GPHN: variants seen among roughly 807,000 people sequenced by gnomAD.
GPHN encodes gephyrin.
In GPHN, 17 loss-of-function variants were observed where a neutral mutation model predicts 95.5. The observed-to-expected ratio is 0.18, with a 90% CI of 0.12 to 0.27. The LOEUF is 0.27. GPHN is among the 10% of genes least tolerant of loss of function. The pLI, the probability that GPHN is intolerant of heterozygous loss-of-function variation, is 1.00. For synonymous variants in GPHN, 320 were observed against 322.5 expected (o/e 0.99, Z 0.08); for missense variants, 660 against 978.1 (o/e 0.67, Z 4.34).
chr14:67,318,661 T>G, the GPHN span, among the ~76,000 whole-genome samples: 1 of 152,208 alleles, frequency 6.6e-6, no homozygotes, highest in Non-Finnish European at 1.5e-5. Flanking sequence ...ATGAATATTT[T>G]TAAATAAATA....
At chr14:67,457,819 A>G in the GPHN span, among the ~76,000 whole-genome samples, 1 of 152,226 alleles carries the variant, frequency 6.6e-6, no homozygotes, top group East Asian at 1.9e-4. Context: ...CCACTGTGAA[A>G]TGACTCCCCT....
chr14:66,668,216 CAG>C (rs2066084232), intron 1 of GPHN, among the ~76,000 whole-genome samples: 1 of 152,216 alleles, frequency 6.6e-6, no homozygotes, highest in South Asian at 2.1e-4. Context: ...TTGTGGAAGA[CAG>C]TGTGGCAATT....
At chr14:67,113,415 A>T (rs2078491269) in intron 16 of GPHN, among the ~76,000 whole-genome samples, 1 of 152,248 alleles carries the variant, frequency 6.6e-6, no homozygotes, top group African/African-American at 2.4e-5. Context: ...ATGAAATATT[A>T]TAACCAATGG....
chr14:67,204,586 A>G, the GPHN span: 1 of 1,613,708 alleles, frequency 6.2e-7, no homozygotes, highest in Admixed American at 1.7e-5. Flanking sequence ...TGCGGAGAAC[A>G]TGAGCCTGAA....
chr14:67,692,915 T>A, the GPHN span: 1 of 1,479,556 alleles, frequency 6.8e-7, no homozygotes, highest in African/African-American at 1.4e-5. Context: ...AGGAGGGAAT[T>A]GAAAGGAGGT....
At chr14:67,727,058 G>A in the GPHN span, 12 of 1,614,056 alleles carry the variant, frequency 7.4e-6, no homozygotes, top group Non-Finnish European at 1.0e-5. Flanking sequence ...TGTGTCCTCG[G>A]TGGCTCACCA....
the GPHN span, chr14:67,199,858 C>A: frequency 2.7e-6 from 4 of 1,490,420 alleles, no homozygotes; most frequent in Admixed American, 4.6e-5. Flanking sequence ...ACCACCTATG[C>A]CTCCTGGGGC....
intron 16 of GPHN, among the ~76,000 whole-genome samples, chr14:67,114,485 G>T (rs1396669283): frequency 6.6e-6 from 1 of 152,120 alleles, no homozygotes; most frequent in Non-Finnish European, 1.5e-5. Context: ...GAGGCTAGGA[G>T]TTCAAAACCA....
At chr14:66,578,655 A>G (rs1360713731) in intron 1 of GPHN, among the ~76,000 whole-genome samples, 9 of 40,044 alleles carry the variant, frequency 2.2e-4, no homozygotes, top group South Asian at 7.5e-4. Context: ...GGATAGAGTG[A>G]AAAAAAAAAA....
chr14:67,226,024 G>T, the GPHN span, among the ~76,000 whole-genome samples: 1 of 151,890 alleles, frequency 6.6e-6, no homozygotes, highest in African/African-American at 2.4e-5. Context: ...AGTATTGAAG[G>T]GGGGAGGTTG....
chr14:67,266,941 C>A, the GPHN span, among the ~76,000 whole-genome samples: 2 of 151,838 alleles, frequency 1.3e-5, no homozygotes, highest in Non-Finnish European at 2.9e-5. Context: ...GAAACCCTAT[C>A]TCTACTAAAA....
the GPHN span, among the ~76,000 whole-genome samples, chr14:67,556,451 A>AT: frequency 6.6e-6 from 1 of 152,020 alleles, no homozygotes; most frequent in Non-Finnish European, 1.5e-5. Flanking sequence ...TATTTATTTT[A>AT]TTTTTTAAAT....
intron 8 of GPHN, among the ~76,000 whole-genome samples, chr14:66,960,401 C>T (rs539091391): frequency 6.6e-6 from 1 of 151,710 alleles, no homozygotes; most frequent in Non-Finnish European, 1.5e-5. Flanking sequence ...TAGATTCTCC[C>T]CTCTCCCTGG....
the GPHN span, among the ~76,000 whole-genome samples, chr14:67,408,823 T>C: frequency 6.6e-6 from 1 of 152,208 alleles, no homozygotes; most frequent in African/African-American, 2.4e-5. Flanking sequence ...TTTATCACTT[T>C]ACTCTTCGGA....
chr14:67,574,989 T>C, the GPHN span, among the ~76,000 whole-genome samples: 13 of 152,224 alleles, frequency 8.5e-5, no homozygotes, highest in Non-Finnish European at 1.5e-5. This position sits in a 1 kb window ranked among gnomAD's most constrained non-coding sequence, Gnocchi z 4.2. Context: ...TATGTCATTC[T>C]CCTTCGCCCG....
At chr14:67,341,770 A>G in the GPHN span, among the ~76,000 whole-genome samples, 1 of 152,214 alleles carries the variant, frequency 6.6e-6, no homozygotes, top group Non-Finnish European at 1.5e-5. Context: ...AAAGATAGAG[A>G]AATCGGATGG....
chr14:67,350,684 T>C, the GPHN span: 14 of 1,613,132 alleles, frequency 8.7e-6, no homozygotes, highest in South Asian at 1.3e-4. Flanking sequence ...CCCATCAACA[T>C]TTTAGTCTGG....
the GPHN span, among the ~76,000 whole-genome samples, chr14:67,219,217 G>A: frequency 6.6e-6 from 1 of 152,210 alleles, no homozygotes; most frequent in Non-Finnish European, 1.5e-5. Context: ...GGATTCTCCT[G>A]TTGTAAGGAC....
chr14:67,721,453 C>T, the GPHN span, among the ~76,000 whole-genome samples: 5 of 152,236 alleles, frequency 3.3e-5, no homozygotes, highest in South Asian at 4.1e-4. Context: ...ACTAAGTTGC[C>T]TAAGCTCAGT....
Sources: allele counts gnomAD v4.1 joint callset (sites outside exome capture counted in the v4.1 genomes callset), GRCh38; gene constraint gnomAD v4.1.1; non-coding constraint Gnocchi (gnomAD v3.1); transcripts MANE v1.5; gene names NCBI Gene and HGNC (gene_info 2026-07-23, HGNC 2026-07-21).